RGS6: variants seen among roughly 807,000 people sequenced by gnomAD.
RGS6 encodes regulator of G-protein signaling 6.
In RGS6, 30 loss-of-function variants were observed where a neutral mutation model predicts 78.5. The ratio of observed to expected loss-of-function variants is 0.38; its 90% CI spans 0.29 to 0.52. RGS6 has a LOEUF of 0.52. Among genes scored for constraint, RGS6 ranks in the 20% least tolerant of loss-of-function variants. The probability of loss-of-function intolerance (pLI) is 0.85; values close to 1 mark genes in which losing one functional copy is unlikely to be tolerated. For synonymous variants in RGS6, 206 were observed against 206.0 expected, an observed-to-expected ratio of 1.00 and a Z score of 0.00; for missense variants, 495 against 609.7, an observed-to-expected ratio of 0.81 and a Z score of 1.98.
chr14:71,887,752 T>C, the RGS6 span, among the ~76,000 whole-genome samples: 1 of 152,210 alleles, frequency 6.6e-6, no homozygotes, highest in Non-Finnish European at 1.5e-5. Flanking sequence ...CATAGACCCT[T>C]ATCAGTGGTT....
At chr14:72,600,044 G>A in the RGS6 span, among the ~76,000 whole-genome samples, 1 of 152,070 alleles carries the variant, frequency 6.6e-6, no homozygotes, top group Non-Finnish European at 1.5e-5. Context: ...TCTGCCTGTG[G>A]TTGTCATTGT....
chr14:72,589,564 T>C, the RGS6 span, among the ~76,000 whole-genome samples: 12 of 151,412 alleles, frequency 7.9e-5, no homozygotes, highest in African/African-American at 2.4e-4. Context: ...GAAAAAAAAA[T>C]TGATGTAAAT....
chr14:72,179,044 A>G (rs1402730499), intron 2 of RGS6, among the ~76,000 whole-genome samples: 2 of 152,212 alleles, frequency 1.3e-5, no homozygotes, highest in Non-Finnish European at 2.9e-5. Context: ...GAATATCTCA[A>G]TCATAAAAAT....
chr14:72,241,976 A>G (rs958242293), intron 2 of RGS6, among the ~76,000 whole-genome samples: 1 of 152,248 alleles, frequency 6.6e-6, no homozygotes, highest in African/African-American at 2.4e-5. Context: ...TGAATGAGAT[A>G]TGCTGGAACA....
intron 2 of RGS6, among the ~76,000 whole-genome samples, chr14:72,100,547 C>T (rs927915478): frequency 8.5e-5 from 13 of 152,180 alleles, no homozygotes; most frequent in South Asian, 4.2e-4. Flanking sequence ...AAGAAGGCAT[C>T]GTGCGGACAG....
At chr14:72,204,573 G>A (rs565072644) in intron 2 of RGS6, among the ~76,000 whole-genome samples, 9 of 152,314 alleles carry the variant, frequency 5.9e-5, no homozygotes, top group Admixed American at 5.2e-4. Context: ...TCTAGAGGCT[G>A]GAAAGTCCAA....
At chr14:72,072,923 T>C (rs956423768) in intron 2 of RGS6, among the ~76,000 whole-genome samples, 1 of 152,200 alleles carries the variant, frequency 6.6e-6, no homozygotes, top group African/African-American at 2.4e-5. Context: ...AAAATACTGC[T>C]GCCTGGGGAT....
intron 2 of RGS6, among the ~76,000 whole-genome samples, chr14:72,297,722 G>A (rs1008299115): frequency 6.6e-6 from 1 of 151,276 alleles, no homozygotes; most frequent in African/African-American, 2.4e-5. Context: ...ATGATTTCCA[G>A]GGACATGGAT....
chr14:72,561,038 A>C (rs2097668866), intron 17 of RGS6, among the ~76,000 whole-genome samples: 1 of 152,134 alleles, frequency 6.6e-6, no homozygotes, highest in African/African-American at 2.4e-5. Context: ...CTCTCCATGG[A>C]GATCTAAGCC....
chr14:71,990,729 A>G (rs1022641157), intron 2 of RGS6: 1 of 456,008 alleles, frequency 2.2e-6, no homozygotes, highest in Non-Finnish European at 4.4e-6. Context: ...TACATGCTGC[A>G]TTGAGGATCC....
intron 2 of RGS6, among the ~76,000 whole-genome samples, chr14:72,221,265 A>G (rs1359758410): frequency 6.6e-6 from 1 of 152,148 alleles, no homozygotes; most frequent in Non-Finnish European, 1.5e-5. Context: ...AAAGTTATCC[A>G]TTGCTCATCC....
Position 72,540,970 on chromosome 14 carries a change from AC to A in RGS6, c.1422+877del, listed in dbSNP as rs1189923442. 2.9e-5 allele frequency: 36 copies of A among 1,251,350 alleles called. No homozygotes were observed. The East Asian group carries it at 1.9e-3, about 65-fold the overall frequency. 77.5% of individuals were successfully genotyped at this position (1,251,350 alleles called of 1,614,324 possible). A position where few individuals can be genotyped will look rare whatever the true frequency, so the allele number is the denominator to read the frequency against. On this transcript the variant is annotated intron_variant, in intron 17 of 17. Transcript: ENST00000553525. ...GAGACTCTCTACCATGGTTTGTAGAACAACACAGGCCAATCTCCTCTTTCCA... is the reference window on the plus strand; with the variant it reads ...GAGACTCTCTACCATGGTTTGTAGAAAACACAGGCCAATCTCCTCTTTCCA...
chr14:72,402,379 T>C (rs1295087948), intron 3 of RGS6, among the ~76,000 whole-genome samples: 1 of 152,134 alleles, frequency 6.6e-6, no homozygotes, highest in Non-Finnish European at 1.5e-5. Flanking sequence ...ATCTTTCCTA[T>C]CAAAGACAAT....
chr14:72,605,566 G>A, the RGS6 span, among the ~76,000 whole-genome samples: 3 of 152,248 alleles, frequency 2.0e-5, no homozygotes, highest in African/African-American at 7.2e-5. Flanking sequence ...AACACGGGCT[G>A]AGGCTTACGA....
intron 3 of RGS6, among the ~76,000 whole-genome samples, chr14:72,444,232 C>T (rs1017231814): frequency 6.6e-6 from 1 of 152,186 alleles, no homozygotes; most frequent in African/African-American, 2.4e-5. Context: ...AGACACCTCG[C>T]CACAGCCCTC....
chr14:72,122,217 C>A (rs773865010), intron 2 of RGS6, among the ~76,000 whole-genome samples: 2 of 152,156 alleles, frequency 1.3e-5, no homozygotes, highest in Non-Finnish European at 2.9e-5. Flanking sequence ...TATTCAAGCT[C>A]TGAGATGAGG....
At chr14:72,280,179 A>ATT (rs111865274) in intron 2 of RGS6, among the ~76,000 whole-genome samples, 11 of 146,388 alleles carry the variant, frequency 7.5e-5, no homozygotes, top group African/African-American at 2.2e-4. Flanking sequence ...AAGAGGTCTT[A>ATT]TTTTTTTTTT....
At chr14:72,156,975 G>A (rs1317979590) in intron 2 of RGS6, among the ~76,000 whole-genome samples, 1 of 152,178 alleles carries the variant, frequency 6.6e-6, no homozygotes, top group Non-Finnish European at 1.5e-5. Flanking sequence ...TCTGGATGGG[G>A]AGGCTGGCTC....
intron 2 of RGS6, among the ~76,000 whole-genome samples, chr14:72,148,515 G>A (rs1475988456): frequency 1.3e-5 from 2 of 152,204 alleles, no homozygotes; most frequent in South Asian, 2.1e-4. Flanking sequence ...CCTTTGGAGA[G>A]GAGTGGTAGT....
Sources: allele counts gnomAD v4.1 joint callset (sites outside exome capture counted in the v4.1 genomes callset), GRCh38; gene constraint gnomAD v4.1.1; transcripts MANE v1.5; gene names NCBI Gene and HGNC (gene_info 2026-07-23, HGNC 2026-07-21).